The following ASPRV1 variants were observed in gnomAD, a reference collection of about 807,000 sequenced individuals.
ASPRV1 encodes the protein retroviral-like aspartic protease 1.
In ASPRV1, 7 loss-of-function variants were observed where a neutral mutation model predicts 11.0. That is an observed-to-expected ratio of 0.64 (90% CI 0.36 to 1.20). The LOEUF is 1.20. Among genes scored for constraint, ASPRV1 ranks in the 50% most tolerant of loss-of-function variants. The pLI, the probability that ASPRV1 is intolerant of heterozygous loss-of-function variation, is 0.02. For synonymous variants in ASPRV1, 136 were observed against 138.4 expected (o/e 0.98, Z 0.12); for missense variants, 299 against 320.0 (o/e 0.93, Z 0.50).
At chr2:70,074,039 C>G in the ASPRV1 span, among the ~76,000 whole-genome samples, 2 of 136,936 alleles carry the variant, frequency 1.5e-5, no homozygotes. Context: ...GAGGGTGAGG[C>G]AGGAGAATGG....
the ASPRV1 span, among the ~76,000 whole-genome samples, chr2:69,973,875 T>G: frequency 3.6e-4 from 55 of 152,354 alleles, no homozygotes; most frequent in African/African-American, 1.3e-3. Context: ...TTTGTGGTGG[T>G]TGCTGCCCAC....
At chr2:70,047,382 A>G in the ASPRV1 span, among the ~76,000 whole-genome samples, 1 of 152,214 alleles carries the variant, frequency 6.6e-6, no homozygotes, top group Non-Finnish European at 1.5e-5. Context: ...GACAGGGGAG[A>G]CAGCCACTGT....
the ASPRV1 span, among the ~76,000 whole-genome samples, chr2:69,986,706 G>C: frequency 6.6e-6 from 1 of 152,116 alleles, no homozygotes; most frequent in East Asian, 1.9e-4. Flanking sequence ...CCCCTTTCTA[G>C]GGGGCCCTAA....
the ASPRV1 span, among the ~76,000 whole-genome samples, chr2:70,020,189 T>A: frequency 1.3e-5 from 2 of 152,192 alleles, no homozygotes; most frequent in Non-Finnish European, 2.9e-5. Flanking sequence ...TGGCAGTTCC[T>A]CAAATAATTA....
the ASPRV1 span, among the ~76,000 whole-genome samples, chr2:69,948,955 C>T: frequency 6.6e-6 from 1 of 152,076 alleles, no homozygotes; most frequent in African/African-American, 2.4e-5. Context: ...TGGCCGCTCC[C>T]CCCGGCACCT....
chr2:70,029,325 T>C, the ASPRV1 span, among the ~76,000 whole-genome samples: 4 of 151,622 alleles, frequency 2.6e-5, no homozygotes, highest in Admixed American at 6.6e-5. Flanking sequence ...TGCAAAGACA[T>C]TGGCAATAAA....
the ASPRV1 span, chr2:70,017,865 C>A: frequency 1.3e-5 from 2 of 152,086 alleles, no homozygotes; most frequent in African/African-American, 4.8e-5. Flanking sequence ...ATAGGCTGGG[C>A]GCAGTGGCTC....
At chr2:69,981,602 G>A in the ASPRV1 span, among the ~76,000 whole-genome samples, 2 of 152,164 alleles carry the variant, frequency 1.3e-5, no homozygotes, top group Non-Finnish European at 2.9e-5. Context: ...TGTTACCCAG[G>A]CTGGAGTGCA....
At chr2:69,937,102 A>T in the ASPRV1 span, 1 of 1,161,430 alleles carries the variant, frequency 8.6e-7, no homozygotes, top group South Asian at 1.2e-5. Context: ...TCTCAGGGAG[A>T]AGCTTGATGA....
chr2:69,967,405 T>G, the ASPRV1 span, among the ~76,000 whole-genome samples: 199 of 152,160 alleles, frequency 1.3e-3, 4 homozygotes, highest in Non-Finnish European at 5.9e-5. Context: ...AGGGGAAACA[T>G]GCAGTAGCCC....
chr2:70,027,119 G>A, the ASPRV1 span, among the ~76,000 whole-genome samples: 19,240 of 151,834 alleles, frequency 0.13, 1,770 homozygotes, highest in South Asian at 0.24. Flanking sequence ...TTAGCTGGGC[G>A]TGATGATGTG....
At chr2:70,002,481 T>C in the ASPRV1 span, among the ~76,000 whole-genome samples, 1 of 152,218 alleles carries the variant, frequency 6.6e-6, no homozygotes, top group Non-Finnish European at 1.5e-5. Context: ...AGGTGTGGCA[T>C]CTGAAAGAGC....
chr2:69,963,365 C>A (rs1368988196), upstream of ASPRV1: 1 of 456,582 alleles, frequency 2.2e-6, no homozygotes, highest in African/African-American at 2.0e-5. Context: ...CACGCAAGAC[C>A]AGGAAGCCCT....
the ASPRV1 span, among the ~76,000 whole-genome samples, chr2:69,973,140 G>A: frequency 6.6e-6 from 1 of 152,084 alleles, no homozygotes; most frequent in Non-Finnish European, 1.5e-5. Context: ...TGACATAAAG[G>A]ATGGCTAATA....
chr2:70,078,044 G>A, the ASPRV1 span, among the ~76,000 whole-genome samples: 2 of 151,826 alleles, frequency 1.3e-5, no homozygotes, highest in Admixed American at 6.6e-5. Context: ...GCACACGCCT[G>A]TAATCCCAGC....
At chr2:69,942,784 A>G in the ASPRV1 span, 3 of 152,230 alleles carry the variant, frequency 2.0e-5, no homozygotes, top group Non-Finnish European at 4.4e-5. Context: ...TATGACGCCA[A>G]TGTAAATCCT....
At chr2:69,966,932 G>C in the ASPRV1 span, among the ~76,000 whole-genome samples, 2 of 152,176 alleles carry the variant, frequency 1.3e-5, no homozygotes, top group Admixed American at 1.3e-4. Context: ...CAGAAGATGT[G>C]GGAGAGGCAG....
the ASPRV1 span, among the ~76,000 whole-genome samples, chr2:69,969,385 C>A: frequency 6.6e-6 from 1 of 152,160 alleles, no homozygotes; most frequent in African/African-American, 2.4e-5. Flanking sequence ...GCAGTCTGGC[C>A]CTCTCAGCCT....
chr2:69,937,947 G>A, the ASPRV1 span: 10 of 685,456 alleles, frequency 1.5e-5, no homozygotes, highest in South Asian at 3.8e-5. Context: ...GGGTTTCACT[G>A]TGTTGGCCCA....
Sources: allele counts gnomAD v4.1 joint callset (sites outside exome capture counted in the v4.1 genomes callset), GRCh38; gene constraint gnomAD v4.1.1; transcripts MANE v1.5; gene names NCBI Gene and HGNC (gene_info 2026-07-23, HGNC 2026-07-21).